The following SLC25A32 variants were observed in gnomAD, a reference collection of about 807,000 sequenced individuals.
SLC25A32 encodes Glycine auxotroph B, complementation of hamster.
SLC25A32 carries 32 observed loss-of-function variants against 39.0 expected under a neutral mutation model. The observed-to-expected ratio is 0.82, with a 90% CI of 0.62 to 1.10. The LOEUF (loss-of-function observed/expected upper bound fraction) is 1.10. Ranked by LOEUF, SLC25A32 falls within the 50% of genes least tolerant of loss-of-function variation. SLC25A32 has a pLI of 0.00. For synonymous variants in SLC25A32, 166 were observed against 152.4 expected (o/e 1.09, Z -0.66); for missense variants, 367 against 395.3 (o/e 0.93, Z 0.61).
chr8:103,413,152 G>A (rs1015329501), intron 1 of SLC25A32, among the ~76,000 whole-genome samples: 3 of 152,096 alleles, frequency 2.0e-5, no homozygotes, highest in South Asian at 2.1e-4. Flanking sequence ...AATCTTCTCA[G>A]GTACCAAGAA....
Position 103,401,535 on chromosome 8 carries a change from C to T in SLC25A32, c.793G>A (p.Val265Ile), listed in dbSNP as rs1816217991. The T allele has an allele frequency of 6.2e-7, 1 of 1,613,062 alleles. No individual in the cohort carries two copies. The highest frequency in any genetic ancestry group is 2.2e-5 in the East Asian group (1 of 44,848). ...QHMFYSGVID[V>I]ITKTWRKEGV... Reference sequence around the variant, plus strand: ...TCTCACCTCCATGTCTTTGTGATTACATCTATTACACCACTGTAAAACATG... The same window carrying T: ...TCTCACCTCCATGTCTTTGTGATTATATCTATTACACCACTGTAAAACATG... The change falls in exon 6 of 7, where the codon GTA becomes ATA. Residue 265 changes from valine (V) to isoleucine (I), a missense_variant. Coordinates refer to ENST00000297578, the MANE Select transcript of SLC25A32 (RefSeq NM_030780.5).
intron 1 of SLC25A32, among the ~76,000 whole-genome samples, chr8:103,410,238 A>G (rs934740667): frequency 6.6e-6 from 1 of 152,224 alleles, no homozygotes; most frequent in East Asian, 1.9e-4. Context: ...GATAAAATAC[A>G]GTAAATTTTT....
rs373956646 is a variant in SLC25A32, at chr8:103,414,836, G to T, written c.102C>A (p.Val34=). The change falls in exon 1 of 7, where the codon GTC becomes GTA. Residue 34 remains valine, a synonymous_variant. Transcript: ENST00000297578. ...ENLIAGVSGG[V]LSNLALHPLD... The stretch of plus-strand genomic sequence containing the variant: ...GCGGATGCAGCGCAAGGTTGGATAA[G>T]ACGCCGCCGCTCACGCCCGCTATCA... 14 of 1,613,710 alleles carry T rather than the reference G, an allele frequency of 8.7e-6. No individual in the cohort carries two copies. The African/African-American group carries it at 1.9e-4, about 22-fold the overall frequency.
intron 3 of SLC25A32, among the ~76,000 whole-genome samples, chr8:103,404,536 A>G (rs1816284753): frequency 6.6e-6 from 1 of 152,084 alleles, no homozygotes; most frequent in Non-Finnish European, 1.5e-5. Context: ...CAGAGGTTGC[A>G]GTGAGCCGAG....
rs549788361 is a variant in SLC25A32, at chr8:103,398,674, T to C, written c.*1737A>G. ...AGGACAAGAATTATGTTTTATTCAT[T>C]TGGGAGTACATAGGCGGTATTTAAA... On this transcript the variant is annotated 3_prime_UTR_variant, in exon 7 of 7. Coordinates refer to ENST00000297578, the MANE Select transcript of SLC25A32 (RefSeq NM_030780.5). 6.6e-6 allele frequency: 1 copy of C among 152,342 alleles called. No homozygotes were observed. Among genetic ancestry groups the C allele is most frequent in the East Asian group, 1.9e-4 (1 of 5,192 alleles). 9.4% of individuals were successfully genotyped at this position (152,342 alleles called of 1,614,324 possible).
chr8:103,401,803 A>C (rs1261069216), intron 5 of SLC25A32, 138 bp downstream of exon 5: 1 of 960,376 alleles, frequency 1.0e-6, no homozygotes, highest in Non-Finnish European at 1.5e-6. Context: ...GCCTATAAAT[A>C]TTTAACTATA....
intron 2 of SLC25A32, 144 bp from the exon 3 acceptor site, chr8:103,405,005 T>C: frequency 7.3e-6 from 4 of 545,068 alleles, no homozygotes; most frequent in Non-Finnish European, 1.3e-5. Context: ...CAAGAATGAA[T>C]TTGCTGGAAG....
chr8:103,398,752 T>C lies in SLC25A32; in HGVS notation c.*1659A>G, dbSNP rs1816156012. ...TCAACTGCAGTTCACTTTTTCCGTGTGGGGACTAATATCAAGATTTCATAT... is the reference window on the plus strand; with the variant it reads ...TCAACTGCAGTTCACTTTTTCCGTGCGGGGACTAATATCAAGATTTCATAT... On this transcript the variant is annotated 3_prime_UTR_variant, in exon 7 of 7. Coordinates refer to ENST00000297578, the MANE Select transcript of SLC25A32 (RefSeq NM_030780.5). 1 of 152,208 alleles carries C rather than the reference T, an allele frequency of 6.6e-6. No homozygotes were observed. The highest frequency in any genetic ancestry group is 1.5e-5 in the Non-Finnish European group (1 of 68,044). 9.4% of individuals were successfully genotyped at this position (152,208 alleles called of 1,614,324 possible). A position where few individuals can be genotyped will look rare whatever the true frequency, so the allele number is the denominator to read the frequency against.
chr8:103,402,693 A>T (rs1438552225), intron 4 of SLC25A32: 2 of 152,336 alleles, frequency 1.3e-5, no homozygotes, highest in East Asian at 1.9e-4. Context: ...TAGGAAAAAA[A>T]TTTTTAAAAT....
chr8:103,412,655 T>A (rs1380117344), intron 1 of SLC25A32, among the ~76,000 whole-genome samples: 1 of 152,210 alleles, frequency 6.6e-6, no homozygotes, highest in African/African-American at 2.4e-5. Context: ...TTCCCACATG[T>A]AAGTTCTCTA....
At position 103,414,845 on chromosome 8, in the gene SLC25A32, G is replaced by A; in HGVS notation, c.93C>T (p.Ser31=). The change falls in exon 1 of 7, where the codon AGC becomes AGT. Residue 31 remains serine, a synonymous_variant. Coordinates refer to ENST00000297578, the MANE Select transcript of SLC25A32 (RefSeq NM_030780.5). ...VRYENLIAGV[S]GGVLSNLALH... ...GCGCAAGGTTGGATAAGACGCCGCC[G>A]CTCACGCCCGCTATCAGGTTCTCAT... 1 of 1,613,722 alleles carries A rather than the reference G, an allele frequency of 6.2e-7. No individual in the cohort carries two copies. Among genetic ancestry groups the A allele is most frequent in the Non-Finnish European group, 8.5e-7 (1 of 1,180,022 alleles).
At chr8:103,403,035 C>A (rs1192412788) in intron 4 of SLC25A32, 129 bp downstream of exon 4, 1 of 557,408 alleles carries the variant, frequency 1.8e-6, no homozygotes, top group East Asian at 2.9e-5. Context: ...TTTCAGTTTT[C>A]ATTAAATTGT....
rs1383323352 is a variant in SLC25A32, at chr8:103,399,002, GTA to G, written c.*1407_*1408del. 6.6e-6 allele frequency: 1 copy of G among 152,114 alleles called. No homozygotes were observed. Among genetic ancestry groups the G allele is most frequent in the Non-Finnish European group, 1.5e-5 (1 of 68,020 alleles). The allele number at this position is 152,114 out of a possible 1,614,324, so 9.4% of individuals were successfully genotyped here. A position where few individuals can be genotyped will look rare whatever the true frequency, so the allele number is the denominator to read the frequency against. On this transcript the variant is annotated 3_prime_UTR_variant, in exon 7 of 7. Coordinates refer to ENST00000297578, the MANE Select transcript of SLC25A32 (RefSeq NM_030780.5). ...CACTTTTATTTACAACAAATAGATG[GTA>G]GTGCAACAGCACTCGTGGATGTTTA...
intron 1 of SLC25A32, among the ~76,000 whole-genome samples, chr8:103,408,520 G>A (rs1816390865): frequency 6.6e-6 from 1 of 151,950 alleles, no homozygotes; most frequent in African/African-American, 2.4e-5. Context: ...AATTTATATC[G>A]AATGCTATCA....
In SLC25A32 at chr8:103,404,566, G is replaced by T. The variant is rs148252871; in HGVS notation, c.391+210C>A. 6.7e-3 allele frequency among the ~76,000 whole-genome samples: 1,017 copies of T among 151,884 alleles called. 7 individuals are homozygous for T. The highest frequency in any genetic ancestry group is 0.023 in the African/African-American group (940 of 41,430). On this transcript the variant is annotated intron_variant, in intron 3 of 6. Coordinates refer to ENST00000297578, the MANE Select transcript of SLC25A32 (RefSeq NM_030780.5). Reference sequence around the variant, plus strand: ...GCCGAGATAGCGCCACCGCACTCCAGCCTGGGCGACAAGAGCGAAACTCCG... The same window carrying T: ...GCCGAGATAGCGCCACCGCACTCCATCCTGGGCGACAAGAGCGAAACTCCG...
In SLC25A32 at chr8:103,400,388, T is replaced by C. The variant is rs1350788092; in HGVS notation, c.*23A>G. The C allele has an allele frequency of 2.2e-5, 36 of 1,613,738 alleles. No individual in the cohort carries two copies. In the East Asian group the frequency reaches 7.1e-4, roughly 32 times the overall value. ...AGCTTGTTGCTGCCTTGGGCAGATA[T>C]ACTGGAATTGTCCTCTTTGAGCTTA... On this transcript the variant is annotated 3_prime_UTR_variant, in exon 7 of 7. Coordinates refer to ENST00000297578, the MANE Select transcript of SLC25A32 (RefSeq NM_030780.5).
chr8:103,400,259 G>T lies in SLC25A32; in HGVS notation c.*152C>A. ...GAAGGCAAAAAGCAAGAAAAACATT[G>T]CAGGAGACTTAGCAGTTCTCTGGCT... On this transcript the variant is annotated 3_prime_UTR_variant, in exon 7 of 7. Coordinates refer to ENST00000297578, the MANE Select transcript of SLC25A32 (RefSeq NM_030780.5). The T allele has an allele frequency of 1.2e-6, 1 of 850,744 alleles. No individual in the cohort carries two copies. The highest frequency in any genetic ancestry group is 1.8e-6 in the Non-Finnish European group (1 of 555,712). The allele number at this position is 850,744 out of a possible 1,614,324, so 52.7% of individuals were successfully genotyped here.
chr8:103,415,090 G>A lies in SLC25A32; in HGVS notation c.-153C>T, dbSNP rs1357781708. ...CTTATGCCCAAGGCGCGTGAGCGAA[G>A]CCGGAGACTCTAGTACTGAGGGGGC... On this transcript the variant is annotated 5_prime_UTR_variant, in exon 1 of 7. Coordinates refer to ENST00000297578, the MANE Select transcript of SLC25A32 (RefSeq NM_030780.5). 4.3e-6 allele frequency: 7 copies of A among 1,610,360 alleles called. No individual in the cohort carries two copies. The highest frequency in any genetic ancestry group is 5.9e-6 in the Non-Finnish European group (7 of 1,178,816).
intron 2 of SLC25A32, among the ~76,000 whole-genome samples, chr8:103,406,794 A>C (rs989050890): frequency 1.3e-5 from 2 of 152,232 alleles, no homozygotes; most frequent in African/African-American, 4.8e-5. Flanking sequence ...ATCATAAACA[A>C]ATGTATTTTT....
Sources: allele counts gnomAD v4.1 joint callset (sites outside exome capture counted in the v4.1 genomes callset), GRCh38; gene constraint gnomAD v4.1.1; transcripts MANE v1.5; gene names NCBI Gene and HGNC (gene_info 2026-07-23, HGNC 2026-07-21).